The following RCOR3 variants were observed in gnomAD, a reference collection of about 807,000 sequenced individuals.
The protein encoded by RCOR3 is REST corepressor 3.
Under a neutral mutation model 64.1 loss-of-function variants are expected in RCOR3, and 13 were observed. The ratio of observed to expected loss-of-function variants is 0.20; its 90% CI spans 0.13 to 0.32. The LOEUF (loss-of-function observed/expected upper bound fraction) is 0.32, where lower values mean the gene tolerates loss of function less well. Ranked by LOEUF, RCOR3 falls within the 10% of genes least tolerant of loss-of-function variation. The pLI is 1.00. For missense variants in RCOR3, 489 were observed against 701.2 expected, an observed-to-expected ratio of 0.70 and a Z score of 3.42; for synonymous variants, 215 against 239.0, an observed-to-expected ratio of 0.90 and a Z score of 0.93.
At chr1:211,305,850 T>C (rs1290626570) in intron 10 of RCOR3, among the ~76,000 whole-genome samples, 1 of 152,168 alleles carries the variant, frequency 6.6e-6, no homozygotes, top group Non-Finnish European at 1.5e-5. Flanking sequence ...AACTTACAAA[T>C]ATTAAAATAA....
intron 2 of RCOR3, among the ~76,000 whole-genome samples, chr1:211,265,919 A>C (rs953203939): frequency 1.9e-4 from 29 of 151,688 alleles, no homozygotes; most frequent in African/African-American, 7.0e-4. Flanking sequence ...TGGGCCATGT[A>C]CTCTTGTAAG....
chr1:211,298,757 A>G (rs1237949730), intron 9 of RCOR3, among the ~76,000 whole-genome samples: 1 of 152,192 alleles, frequency 6.6e-6, no homozygotes, highest in Non-Finnish European at 1.5e-5. Flanking sequence ...CTGTAATCCC[A>G]GTATTTTGGG....
At chr1:211,267,116 C>T (rs1695343436) in intron 2 of RCOR3, among the ~76,000 whole-genome samples, 1 of 152,152 alleles carries the variant, frequency 6.6e-6, no homozygotes, top group South Asian at 2.1e-4. Flanking sequence ...TAATGCTTAC[C>T]ATATGCCACG....
At chr1:211,287,694 A>AT (rs1242381249) in intron 7 of RCOR3, among the ~76,000 whole-genome samples, 6 of 152,138 alleles carry the variant, frequency 3.9e-5, no homozygotes, top group African/African-American at 1.4e-4. Flanking sequence ...CAGCCTGCCT[A>AT]TCATGGTGAA....
chr1:211,259,958 A>T, intron 1 of RCOR3, 150 bp from the exon 2 acceptor site: 4 of 476,476 alleles, frequency 8.4e-6, no homozygotes, highest in Non-Finnish European at 1.0e-5. Context: ...ATCCGCTGCC[A>T]TCTCCCGGAG....
chr1:211,278,562 T>G (rs1014612508), intron 6 of RCOR3, among the ~76,000 whole-genome samples: 2 of 152,244 alleles, frequency 1.3e-5, no homozygotes, highest in Admixed American at 6.5e-5. Flanking sequence ...TTATTGAGGC[T>G]AAATCTTTTG....
At position 211,281,031 on chromosome 1, in the gene RCOR3, A is replaced by G. The variant is rs901237615; in HGVS notation, c.720+1715A>G. ...TATGTCTTAACCACTCTAGAAAACA[A>G]ATCATCCTTCTTAGCACTACGTCAC... On this transcript the variant is annotated intron_variant, in intron 7 of 11. Coordinates refer to ENST00000419091, the MANE Select transcript of RCOR3 (RefSeq NM_001136223.3). 1.9e-4 allele frequency among the ~76,000 whole-genome samples: 29 copies of G among 151,622 alleles called. 1 individual carries two copies. The highest frequency in any genetic ancestry group is 3.2e-3 in the Middle Eastern group (1 of 312).
At chr1:211,285,371 A>T (rs1242065443) in intron 7 of RCOR3, among the ~76,000 whole-genome samples, 1 of 152,272 alleles carries the variant, frequency 6.6e-6, no homozygotes, top group African/African-American at 2.4e-5. Context: ...TGGCCTCTCC[A>T]ATTTGGTGGT....
chr1:211,294,399 G>C (rs546489669), intron 8 of RCOR3, among the ~76,000 whole-genome samples: 1 of 151,612 alleles, frequency 6.6e-6, no homozygotes, highest in Non-Finnish European at 1.5e-5. Context: ...TGTCTTTGTT[G>C]TAGCATTTAT....
At chr1:211,296,766 C>T (rs1699897992) in intron 9 of RCOR3, among the ~76,000 whole-genome samples, 1 of 152,040 alleles carries the variant, frequency 6.6e-6, no homozygotes, top group South Asian at 2.1e-4. Flanking sequence ...GACTGACAAA[C>T]ATTCTAGTAA....
At chr1:211,272,536 T>G (rs1696350452) in intron 3 of RCOR3, among the ~76,000 whole-genome samples, 2 of 150,974 alleles carry the variant, frequency 1.3e-5, no homozygotes, top group South Asian at 4.2e-4. Context: ...GAATTTTTTT[T>G]TTTAAGTACT....
Position 211,307,334 on chromosome 1 carries a change from A to C in RCOR3, c.1075+3194A>C, listed in dbSNP as rs931092954. On this transcript the variant is annotated intron_variant, in intron 10 of 11. Coordinates refer to ENST00000419091, the MANE Select transcript of RCOR3 (RefSeq NM_001136223.3). ...GAAACCCCATCTTCACTGAAAATAC[A>C]AAAAATTAGCCAGGTATGGTGGTGC... is the stretch of plus-strand genomic sequence containing the variant. Among the ~76,000 whole-genome samples the C allele has an allele frequency of 5.9e-5, 9 of 152,046 alleles. No homozygotes were observed. In the East Asian group the frequency reaches 1.5e-3, roughly 26 times the overall value.
chr1:211,280,717 C>T (rs567307955), intron 7 of RCOR3, among the ~76,000 whole-genome samples: 5 of 152,326 alleles, frequency 3.3e-5, no homozygotes, highest in African/African-American at 1.2e-4. Flanking sequence ...GGCTCAGTGG[C>T]TCACGCCTGT....
In RCOR3 at chr1:211,276,371, C is replaced by G; in HGVS notation, c.469C>G (p.Gln157Glu). The change falls in exon 5 of 12, where the codon CAA (glutamine) becomes GAA (glutamate). Residue 157 changes from glutamine to glutamate, a missense_variant. By Grantham distance (29) the Gln-to-Glu change is conservative. Coordinates refer to ENST00000419091, the MANE Select transcript of RCOR3 (RefSeq NM_001136223.3). ...WTVEDKVLFE[Q>E]AFSFHGKSFH... is the part of the protein sequence containing the mutation. ...AGTGGAAGATAAAGTCCTATTTGAA[C>G]AAGCCTTTAGTTTTCATGGAAAGAG... is the stretch of plus-strand genomic sequence containing the variant. 6.2e-7 allele frequency: 1 copy of G among 1,613,746 alleles called. No homozygotes were observed. Among genetic ancestry groups the G allele is most frequent in the Non-Finnish European group, 8.5e-7 (1 of 1,179,780 alleles).
At chr1:211,303,820 T>C in intron 9 of RCOR3, 1 of 261,464 alleles carries the variant, frequency 3.8e-6, no homozygotes, top group Non-Finnish European at 7.2e-6. Flanking sequence ...ATAGACTTTC[T>C]CATGTTTTGA....
intron 2 of RCOR3, among the ~76,000 whole-genome samples, chr1:211,264,580 A>G (rs1162562341): frequency 1.3e-5 from 2 of 152,128 alleles, no homozygotes; most frequent in Admixed American, 6.6e-5. Context: ...AGCTACTTAG[A>G]AGACTGAGGT....
At chr1:211,286,958 C>T (rs934851870) in intron 7 of RCOR3, among the ~76,000 whole-genome samples, 4 of 152,124 alleles carry the variant, frequency 2.6e-5, no homozygotes, top group Non-Finnish European at 5.9e-5. Context: ...TAGTGAAGAC[C>T]TGTTGGTCAT....
intron 5 of RCOR3, 71 bp downstream of exon 5, chr1:211,276,489 ATTAT>A: frequency 8.0e-7 from 1 of 1,245,674 alleles, no homozygotes; most frequent in Non-Finnish European, 1.1e-6. Context: ...ACACTTCCTA[ATTAT>A]TAAATACAAA....
chr1:211,270,168 G>C (rs1017503416), intron 2 of RCOR3, among the ~76,000 whole-genome samples: 1 of 151,222 alleles, frequency 6.6e-6, no homozygotes, highest in Admixed American at 6.6e-5. Context: ...GGTTCAAGCA[G>C]TTCTCCTGCG....
Sources: allele counts gnomAD v4.1 joint callset (sites outside exome capture counted in the v4.1 genomes callset), GRCh38; gene constraint gnomAD v4.1.1; transcripts MANE v1.5; gene names NCBI Gene and HGNC (gene_info 2026-07-23, HGNC 2026-07-21).